PLA2G4A: variants seen among roughly 807,000 people sequenced by gnomAD.
PLA2G4A encodes phospholipase A2 group IVA, also known as cytosolic phospholipase A2.
A neutral mutation model predicts 81.9 loss-of-function variants in PLA2G4A; 40 were observed. The ratio of observed to expected loss-of-function variants is 0.49; its 90% CI spans 0.38 to 0.64. The LOEUF (loss-of-function observed/expected upper bound fraction) is 0.64, where lower values mean the gene tolerates loss of function less well. Ranked by LOEUF, PLA2G4A falls within the 30% of genes least tolerant of loss-of-function variation. The pLI is 0.00. For synonymous variants in PLA2G4A, 302 were observed against 296.9 expected (o/e 1.02, Z -0.18); for missense variants, 715 against 905.1 (o/e 0.79, Z 2.69).
At position 186,965,541 on chromosome 1, in the gene PLA2G4A, T is replaced by G. The variant is rs771732359; in HGVS notation, c.1712T>G (p.Ile571Arg). Reference sequence around the variant, plus strand: ...AGACCTCAGAGAGGGGTTGATCTCATAATCTCCTTTGACTTTTCTGCAAGG... The same window carrying G: ...AGACCTCAGAGAGGGGTTGATCTCAGAATCTCCTTTGACTTTTCTGCAAGG... ...ILRPQRGVDL[I>R]ISFDFSARPS... The change falls in exon 15 of 18, where the codon ATA becomes AGA. Residue 571 changes from isoleucine to arginine, a missense_variant. Physicochemically the swap from Ile to Arg is moderately conservative, Grantham distance 97. Coordinates refer to ENST00000367466, the MANE Select transcript of PLA2G4A (RefSeq NM_024420.3). 6.2e-7 allele frequency: 1 copy of G among 1,613,704 alleles called. No homozygotes were observed. The highest frequency in any genetic ancestry group is 8.5e-7 in the Non-Finnish European group (1 of 1,179,564).
At position 186,946,731 on chromosome 1, in the gene PLA2G4A, A is replaced by C; in HGVS notation, c.1128A>C (p.Thr376=). 3 of 1,612,368 alleles carry C rather than the reference A, an allele frequency of 1.9e-6. No individual in the cohort carries two copies. Among genetic ancestry groups the C allele is most frequent in the Non-Finnish European group, 2.5e-6 (3 of 1,178,640 alleles). The change falls in exon 11 of 18, where the codon ACA becomes ACC. Residue 376 remains threonine (T), a synonymous_variant. Transcript: ENST00000367466. ...TTGGAAGCAAATTTTTTATGGGAAC[A>C]GTCGTTAAGAAGTATGAAGAAAACC... ...DLFGSKFFMG[T]VVKKYEENPL...
At chr1:186,943,514 A>G (rs1269532438) in intron 10 of PLA2G4A, among the ~76,000 whole-genome samples, 1 of 152,202 alleles carries the variant, frequency 6.6e-6, no homozygotes, top group Non-Finnish European at 1.5e-5. Context: ...AATTCCTATA[A>G]TATACCTAGA....
At chr1:186,927,154 C>T (rs143024702) in intron 7 of PLA2G4A, among the ~76,000 whole-genome samples, 69 of 152,284 alleles carry the variant, frequency 4.5e-4, no homozygotes, top group African/African-American at 1.6e-3. Context: ...CATTCAGCTG[C>T]GATTGTTCTG....
intron 7 of PLA2G4A, among the ~76,000 whole-genome samples, chr1:186,919,008 G>A (rs899628807): frequency 2.6e-5 from 4 of 152,192 alleles, no homozygotes; most frequent in African/African-American, 9.6e-5. Context: ...CACTGGCCTT[G>A]GCCAGGGCCC....
Position 186,845,437 on chromosome 1 carries a change from G to C in PLA2G4A, c.-69-8849G>C, listed in dbSNP as rs78943690. Among the ~76,000 whole-genome samples, 3 of 151,880 alleles carry C rather than the reference G, an allele frequency of 2.0e-5. 1 individual carries two copies. The highest frequency in any genetic ancestry group is 6.6e-5 in the Admixed American group (1 of 15,236). ...GAGGATTAGGGGCGATTTTCCCTAC[G>C]TACAGACAAGGAAACTGAGGGTCAG... On this transcript the variant is annotated intron_variant, in intron 1 of 17. Coordinates refer to ENST00000367466, the MANE Select transcript of PLA2G4A (RefSeq NM_024420.3).
chr1:186,864,336 A>G (rs1276280791), intron 2 of PLA2G4A, among the ~76,000 whole-genome samples: 4 of 152,080 alleles, frequency 2.6e-5, no homozygotes, highest in Admixed American at 6.6e-5. Flanking sequence ...TTGCTGGACC[A>G]TATGGTAGTA....
At chr1:186,960,689 TG>T (rs1245470037) in intron 14 of PLA2G4A, among the ~76,000 whole-genome samples, 1 of 152,214 alleles carries the variant, frequency 6.6e-6, no homozygotes, top group African/African-American at 2.4e-5. Context: ...GAATCTCAGT[TG>T]GACCCTTTAC....
At chr1:186,915,757 C>T (rs1420757541) in intron 7 of PLA2G4A, among the ~76,000 whole-genome samples, 1 of 152,108 alleles carries the variant, frequency 6.6e-6, no homozygotes, top group Non-Finnish European at 1.5e-5. Context: ...AAATGGATTC[C>T]TCTCTGTGTG....
At chr1:186,880,943 C>T (rs542550683) in intron 3 of PLA2G4A, among the ~76,000 whole-genome samples, 1 of 152,100 alleles carries the variant, frequency 6.6e-6, no homozygotes, top group African/African-American at 2.4e-5. Flanking sequence ...TACATTTAGT[C>T]TTCTTTGTGT....
chr1:186,898,817 T>A (rs1654438978), intron 5 of PLA2G4A, among the ~76,000 whole-genome samples: 1 of 152,194 alleles, frequency 6.6e-6, no homozygotes, highest in Non-Finnish European at 1.5e-5. Flanking sequence ...CAAACTTCAG[T>A]GTATCATTAT....
At chr1:186,920,412 G>A (rs750176256) in intron 7 of PLA2G4A, among the ~76,000 whole-genome samples, 7 of 152,180 alleles carry the variant, frequency 4.6e-5, no homozygotes, top group South Asian at 2.1e-4. Flanking sequence ...CAAAGGGGGC[G>A]ACTGGGGTGG....
chr1:186,931,062 T>A (rs545491734), intron 7 of PLA2G4A, among the ~76,000 whole-genome samples: 1 of 152,320 alleles, frequency 6.6e-6, no homozygotes, highest in East Asian at 1.9e-4. Context: ...AATACTTTAT[T>A]GTATTCTACT....
chr1:186,872,220 T>C (rs1653299276), intron 3 of PLA2G4A, among the ~76,000 whole-genome samples: 1 of 152,152 alleles, frequency 6.6e-6, no homozygotes, highest in South Asian at 2.1e-4. Context: ...GTTATTCTTA[T>C]TTTGCTTTTT....
intron 14 of PLA2G4A, among the ~76,000 whole-genome samples, chr1:186,957,195 C>A (rs1460321923): frequency 6.6e-6 from 1 of 152,140 alleles, no homozygotes. Flanking sequence ...GATGTTAGAT[C>A]TTCTCTGTAC....
At chr1:186,890,540 T>TG (rs201970899) in intron 3 of PLA2G4A, among the ~76,000 whole-genome samples, 1 of 120,236 alleles carries the variant, frequency 8.3e-6, no homozygotes, top group African/African-American at 3.5e-5. Context: ...CTGATTCAAG[T>TG]GGGTATTTAT....
At chr1:186,831,211 C>T (rs948321886) in intron 1 of PLA2G4A, among the ~76,000 whole-genome samples, 1 of 151,876 alleles carries the variant, frequency 6.6e-6, no homozygotes, top group African/African-American at 2.4e-5. Context: ...ATTCATATTA[C>T]ATGAAAATGC....
intron 1 of PLA2G4A, among the ~76,000 whole-genome samples, chr1:186,837,187 G>A (rs1181588300): frequency 6.6e-6 from 1 of 152,188 alleles, no homozygotes; most frequent in Non-Finnish European, 1.5e-5. Flanking sequence ...TGGAGATCAT[G>A]AATGATCTTG....
At chr1:186,853,097 C>G (rs1454550763) in intron 1 of PLA2G4A, among the ~76,000 whole-genome samples, 1 of 151,618 alleles carries the variant, frequency 6.6e-6, no homozygotes, top group African/African-American at 2.4e-5. Context: ...GTTGATGCAC[C>G]AGAATGAAGA....
At chr1:186,981,196 G>T (rs1657707750) in intron 17 of PLA2G4A, among the ~76,000 whole-genome samples, 1 of 152,052 alleles carries the variant, frequency 6.6e-6, no homozygotes, top group South Asian at 2.1e-4. Context: ...GGGATGAATT[G>T]TATTAAATTT....
Sources: allele counts gnomAD v4.1 joint callset (sites outside exome capture counted in the v4.1 genomes callset), GRCh38; gene constraint gnomAD v4.1.1; transcripts MANE v1.5; gene names NCBI Gene and HGNC (gene_info 2026-07-23, HGNC 2026-07-21).